The following ACSL3 variants were observed in gnomAD, a reference collection of about 807,000 sequenced individuals.
ACSL3 encodes acyl-CoA synthetase long chain family member 3.
A neutral mutation model predicts 84.7 loss-of-function variants in ACSL3; 34 were observed. The ratio of observed to expected loss-of-function variants is 0.40; its 90% CI spans 0.31 to 0.53. The LOEUF (loss-of-function observed/expected upper bound fraction) is 0.53, where lower values mean the gene tolerates loss of function less well. ACSL3 is among the 20% of genes least tolerant of loss of function. The pLI, the probability that ACSL3 is intolerant of heterozygous loss-of-function variation, is 0.48. For missense variants in ACSL3, 680 were observed against 873.1 expected, an observed-to-expected ratio of 0.78 and a Z score of 2.79; for synonymous variants, 315 against 299.4, an observed-to-expected ratio of 1.05 and a Z score of -0.54.
chr2:222,919,293 A>C, intron 7 of ACSL3, 91 bp downstream of exon 7: 13 of 1,467,262 alleles, frequency 8.9e-6, no homozygotes, highest in African/African-American at 1.4e-5. Context: ...AGGTTAGCTC[A>C]AATGACACAT....
At chr2:222,918,868 G>A (rs1696655102) in intron 6 of ACSL3, among the ~76,000 whole-genome samples, 196 bp from the exon 7 acceptor site, 2 of 152,040 alleles carry the variant, frequency 1.3e-5, no homozygotes, top group African/African-American at 4.8e-5. Flanking sequence ...TGAATCTAAT[G>A]CTATAAAATA....
At position 222,944,091 on chromosome 2, in the gene ACSL3, C is replaced by T. The variant is rs956458901; in HGVS notation, c.*2437C>T. The T allele has an allele frequency of 2.6e-5, 4 of 152,098 alleles. No homozygotes were observed. The highest frequency in any genetic ancestry group is 5.9e-5 in the Non-Finnish European group (4 of 67,968). 9.4% of individuals were successfully genotyped at this position (152,098 alleles called of 1,614,324 possible). ...GCTCCTCCACTGACATCCTTCTTAG[C>T]AGAAACTTCATGAAAAAGTTTTTGC... On this transcript the variant is annotated 3_prime_UTR_variant, in exon 17 of 17. Transcript: ENST00000357430.
chr2:222,941,127 G>T (rs542938057), intron 16 of ACSL3, among the ~76,000 whole-genome samples: 1 of 152,000 alleles, frequency 6.6e-6, no homozygotes, highest in South Asian at 2.1e-4. Context: ...ACAAGGTCTC[G>T]CTATGTTACC....
intron 7 of ACSL3, among the ~76,000 whole-genome samples, chr2:222,919,856 A>G (rs1480762333): frequency 6.6e-6 from 1 of 152,192 alleles, no homozygotes; most frequent in African/African-American, 2.4e-5. Context: ...AGATGCAGAT[A>G]TATTGTGGAC....
chr2:222,929,326 A>G (rs1002432047), intron 13 of ACSL3, among the ~76,000 whole-genome samples: 1 of 152,000 alleles, frequency 6.6e-6, no homozygotes, highest in African/African-American at 2.4e-5. Flanking sequence ...GAGGGCTTCA[A>G]CCTTGTATTA....
rs773667009 is a variant in ACSL3 at position 222,916,420 on chromosome 2, C to G, written c.480C>G (p.Thr160=). 1.2e-6 allele frequency: 2 copies of G among 1,613,852 alleles called. No individual in the cohort carries two copies. Among genetic ancestry groups the G allele is most frequent in the African/African-American group, 2.7e-5 (2 of 74,902 alleles). ...GLQMLGQKPK[T]NIAIFCETRA... is the part of the protein sequence containing the mutation. ...AGATGTTGGGTCAGAAACCAAAGAC[C>G]AACATCGCCATCTTCTGTGAGACCA... Residue 160 remains threonine (T), a synonymous_variant, in exon 5 of 17, where the codon ACC becomes ACG. Coordinates refer to ENST00000357430, the MANE Select transcript of ACSL3 (RefSeq NM_004457.5).
At chr2:222,875,537 T>C (rs964985157) in intron 1 of ACSL3, among the ~76,000 whole-genome samples, 3 of 152,250 alleles carry the variant, frequency 2.0e-5, no homozygotes, top group Non-Finnish European at 4.4e-5. Flanking sequence ...TGGAAAAGAA[T>C]AGGAATAATT....
chr2:222,940,226 G>A (rs1429809157), intron 16 of ACSL3, among the ~76,000 whole-genome samples: 2 of 152,166 alleles, frequency 1.3e-5, no homozygotes, highest in African/African-American at 4.8e-5. Context: ...TATCCACATA[G>A]CTTGTAGGGA....
chr2:222,942,098 G>A lies in ACSL3; in HGVS notation c.*444G>A. On this transcript the variant is annotated 3_prime_UTR_variant, in exon 17 of 17. Coordinates refer to ENST00000357430, the MANE Select transcript of ACSL3 (RefSeq NM_004457.5). Reference sequence around the variant, plus strand: ...TTTAAAAATACAAGGGTATTGATATGAAATTATGTAAATTTCAAATGCTTA... The same window carrying A: ...TTTAAAAATACAAGGGTATTGATATAAAATTATGTAAATTTCAAATGCTTA... 1 of 211,058 alleles carries A rather than the reference G, an allele frequency of 4.7e-6. No individual in the cohort carries two copies. The highest frequency in any genetic ancestry group is 9.6e-6 in the Non-Finnish European group (1 of 103,788). 13.1% of individuals were successfully genotyped at this position (211,058 alleles called of 1,614,324 possible).
At chr2:222,941,461 A>G (rs757605758) in intron 16 of ACSL3, 36 bp from the exon 17 acceptor site, 2 of 1,525,664 alleles carry the variant, frequency 1.3e-6, no homozygotes, top group Non-Finnish European at 1.8e-6. Flanking sequence ...GAACTTAAAT[A>G]CCTTTTCTTC....
rs375783777 is a variant in ACSL3, at chr2:222,906,745, G to T, written c.-40-1988G>T. On this transcript the variant is annotated intron_variant, in intron 3 of 16. Coordinates refer to ENST00000357430, the MANE Select transcript of ACSL3 (RefSeq NM_004457.5). The stretch of plus-strand genomic sequence containing the variant: ...TTCTCCTGCCTCAGCCTCCCGAGTA[G>T]CTGGGACTACAGGCGTGTACCATCA... Among the ~76,000 whole-genome samples, 21 of 152,166 alleles carry T rather than the reference G, an allele frequency of 1.4e-4. No individual in the cohort carries two copies. In the East Asian group the frequency reaches 1.7e-3, roughly 13 times the overall value.
intron 5 of ACSL3, chr2:222,916,803 C>A: frequency 5.0e-6 from 1 of 200,940 alleles, no homozygotes; most frequent in Non-Finnish European, 9.9e-6. Context: ...TTAGAAGTTA[C>A]TGTCAATTTT....
rs1156623518 is a variant in ACSL3 at position 222,944,467 on chromosome 2, A to G, written c.*2813A>G. 1 of 151,900 alleles carries G rather than the reference A, an allele frequency of 6.6e-6. No homozygotes were observed. Among genetic ancestry groups the G allele is most frequent in the Non-Finnish European group, 1.5e-5 (1 of 67,930 alleles). The allele number at this position is 151,900 out of a possible 1,614,324, so 9.4% of individuals were successfully genotyped here. ...CTGAAATGTCATATATCCTTTCTCT[A>G]CTTAAAATTGGTTATTTACTGTGAG... On this transcript the variant is annotated 3_prime_UTR_variant, in exon 17 of 17. Coordinates refer to ENST00000357430, the MANE Select transcript of ACSL3 (RefSeq NM_004457.5).
At chr2:222,902,148 T>C (rs899663521) in intron 3 of ACSL3, among the ~76,000 whole-genome samples, 3 of 152,182 alleles carry the variant, frequency 2.0e-5, no homozygotes, top group African/African-American at 7.2e-5. Context: ...TTTAACTTGA[T>C]ACACTTTCCA....
intron 16 of ACSL3, 96 bp from the exon 17 acceptor site, chr2:222,941,401 G>A: frequency 1.1e-6 from 1 of 949,964 alleles, no homozygotes. Flanking sequence ...CTTGTTGGTT[G>A]TGCATTTTGA....
chr2:222,927,065 C>T lies in ACSL3; in HGVS notation c.1341C>T (p.Leu447=), dbSNP rs1429282328. 1 of 1,613,960 alleles carries T rather than the reference C, an allele frequency of 6.2e-7. No individual in the cohort carries two copies. Among genetic ancestry groups the T allele is most frequent in the East Asian group, 2.2e-5 (1 of 44,884 alleles). Residue 447 remains leucine (L), a synonymous_variant, in exon 12 of 17, where the codon CTC becomes CTT. Transcript: ENST00000357430. ...VRSLLGGNIR[L]LLCGGAPLSA... is the part of the protein sequence containing the mutation. ...GCTTGCTAGGGGGAAATATTCGTCTCCTGTTGTGTGGTGGCGCTCCACTTT... is the reference window on the plus strand; with the variant it reads ...GCTTGCTAGGGGGAAATATTCGTCTTCTGTTGTGTGGTGGCGCTCCACTTT...
At position 222,927,111 on chromosome 2, in the gene ACSL3, A is replaced by G. The variant is rs376857923; in HGVS notation, c.1387A>G (p.Met463Val). ...APLSATTQRF[M>V]NICFCCPVGQ... ...ACTTTCTGCAACCACGCAGCGATTC[A>G]TGAACATCTGTTTCTGCTGTCCTGT... The change falls in exon 12 of 17, where the codon ATG becomes GTG. Residue 463 changes from methionine (M) to valine (V), a missense_variant. By Grantham distance (21) the Met-to-Val change is conservative. Around this residue, in one of 2 missense-constraint regions of ACSL3, gnomAD observed 347 missense variants for 525.7 expected, o/e 0.66. Coordinates refer to ENST00000357430, the MANE Select transcript of ACSL3 (RefSeq NM_004457.5). 2.9e-5 allele frequency: 46 copies of G among 1,614,010 alleles called. 1 individual carries two copies. The East Asian group carries it at 4.2e-4, about 15-fold the overall frequency.
chr2:222,900,942 C>T (rs1696130386), intron 3 of ACSL3, among the ~76,000 whole-genome samples, 162 bp downstream of exon 3: 1 of 152,192 alleles, frequency 6.6e-6, no homozygotes, highest in African/African-American at 2.4e-5. Context: ...AACTTCGTCT[C>T]CTCCCAGCCC....
chr2:222,863,849 A>G (rs1695072121), intron 1 of ACSL3, among the ~76,000 whole-genome samples: 1 of 152,202 alleles, frequency 6.6e-6, no homozygotes, highest in Admixed American at 6.5e-5. Context: ...TATTTACTTA[A>G]TGGCCATCTG....
Sources: gnomAD v4.1 joint callset for allele counts (sites outside exome capture counted in the v4.1 genomes callset) on GRCh38, gnomAD v4.1.1 for gene constraint, gnomAD v4.1.1 regional missense constraint, MANE v1.5 for transcripts, NCBI Gene and HGNC (gene_info 2026-07-23, HGNC 2026-07-21) for gene names.